The following ASAH2 variants were observed in gnomAD, a reference collection of about 807,000 sequenced individuals.
ASAH2 encodes N-acylsphingosine amidohydrolase 2.
Under a neutral mutation model 82.9 loss-of-function variants are expected in ASAH2, and 58 were observed. The ratio of observed to expected loss-of-function variants is 0.70; its 90% CI spans 0.57 to 0.87. The LOEUF is 0.87. ASAH2 is among the 40% of genes least tolerant of loss of function. ASAH2 has a pLI of 0.00. For missense variants in ASAH2, 779 were observed against 834.0 expected, an observed-to-expected ratio of 0.93 and a Z score of 0.81; for synonymous variants, 276 against 289.7, an observed-to-expected ratio of 0.95 and a Z score of 0.48.
intron 12 of ASAH2, 38 bp downstream of exon 12, chr10:50,210,785 G>A: frequency 6.8e-7 from 1 of 1,478,038 alleles, no homozygotes; most frequent in Non-Finnish European, 9.5e-7. Flanking sequence ...AGAAGCTTCA[G>A]AAGCTGAAAC....
At chr10:50,243,162 A>G (rs1322510444) in intron 4 of ASAH2, 40 bp downstream of exon 4, 3 of 1,608,638 alleles carry the variant, frequency 1.9e-6, no homozygotes, top group East Asian at 2.2e-5. Flanking sequence ...TCCTTAAACC[A>G]TATCATTTCT....
At chr10:50,212,070 C>T (rs1253832100) in intron 10 of ASAH2, among the ~76,000 whole-genome samples, 1 of 152,028 alleles carries the variant, frequency 6.6e-6, no homozygotes, top group East Asian at 1.9e-4. Context: ...GAAACTGCAG[C>T]GATTAGGCTG....
At chr10:50,223,912 A>G (rs996055349) in intron 7 of ASAH2, among the ~76,000 whole-genome samples, 12 of 152,166 alleles carry the variant, frequency 7.9e-5, no homozygotes, top group South Asian at 2.1e-4. Context: ...GCTAAAAGAG[A>G]TGCATGGAAC....
intron 12 of ASAH2, among the ~76,000 whole-genome samples, chr10:50,206,784 C>T (rs944983593): frequency 0.035 from 5,386 of 151,864 alleles, 336 homozygotes; most frequent in African/African-American, 0.12. Flanking sequence ...ATAACCCACT[C>T]TCAATCATGG....
intron 16 of ASAH2, among the ~76,000 whole-genome samples, chr10:50,199,807 C>T (rs1845093002): frequency 6.6e-6 from 1 of 151,658 alleles, no homozygotes; most frequent in East Asian, 1.9e-4. Flanking sequence ...GTCTCCACAT[C>T]CGGTAATTCT....
intron 3 of ASAH2, among the ~76,000 whole-genome samples, chr10:50,244,095 G>A (rs1035657327): frequency 6.6e-6 from 1 of 152,194 alleles, no homozygotes; most frequent in East Asian, 1.9e-4. Flanking sequence ...CTGCAAAGAA[G>A]CAGGAGCTGG....
intron 7 of ASAH2, among the ~76,000 whole-genome samples, chr10:50,218,952 A>T (rs1845677991): frequency 6.6e-6 from 1 of 152,202 alleles, no homozygotes; most frequent in African/African-American, 2.4e-5. Flanking sequence ...CCTTCAAGAT[A>T]GGCACACAGG....
At chr10:50,250,313 T>C (rs1345704630) in intron 1 of ASAH2, among the ~76,000 whole-genome samples, 1 of 152,134 alleles carries the variant, frequency 6.6e-6, no homozygotes, top group Non-Finnish European at 1.5e-5. Context: ...CTTCAGAGGG[T>C]AGGCTGAACT....
chr10:50,206,446 T>C (rs959466954), intron 12 of ASAH2, among the ~76,000 whole-genome samples: 14 of 151,626 alleles, frequency 9.2e-5, no homozygotes, highest in African/African-American at 3.4e-4. Context: ...ACTTTTTTCC[T>C]GTTTTGAAAA....
At chr10:50,228,434 C>G (rs1240288690) in intron 7 of ASAH2, among the ~76,000 whole-genome samples, 2 of 151,878 alleles carry the variant, frequency 1.3e-5, no homozygotes. Context: ...AAAAATAATT[C>G]AATTATTCTG....
chr10:50,233,613 G>C (rs896765049), intron 6 of ASAH2, among the ~76,000 whole-genome samples: 18 of 152,062 alleles, frequency 1.2e-4, no homozygotes, highest in African/African-American at 4.3e-4. Flanking sequence ...TAAAAGAGCA[G>C]GGAATTTGCA....
intron 2 of ASAH2, among the ~76,000 whole-genome samples, chr10:50,247,218 T>C (rs1424174900): frequency 1.3e-5 from 2 of 151,934 alleles, no homozygotes; most frequent in Non-Finnish European, 2.9e-5. Context: ...AGTGGCGTGA[T>C]CTCAGCTCAC....
At chr10:50,241,415 A>G (rs1443751566) in intron 4 of ASAH2, among the ~76,000 whole-genome samples, 1 of 152,044 alleles carries the variant, frequency 6.6e-6, no homozygotes, top group Non-Finnish European at 1.5e-5. Context: ...TCTATCCACC[A>G]CCTAGAAAAT....
At chr10:50,198,981 C>G in intron 17 of ASAH2, 70 bp downstream of exon 17, 1 of 1,506,176 alleles carries the variant, frequency 6.6e-7, no homozygotes, top group Non-Finnish European at 9.2e-7. Flanking sequence ...GACACAGACA[C>G]ATACAGACAT....
chr10:50,215,612 A>G (rs892413317), intron 8 of ASAH2, among the ~76,000 whole-genome samples: 79 of 152,224 alleles, frequency 5.2e-4, no homozygotes, highest in South Asian at 1.0e-3. Flanking sequence ...ATGGTTGTAG[A>G]TCTGTGGTGT....
chr10:50,195,777 T>C (rs1844961075), intron 18 of ASAH2, among the ~76,000 whole-genome samples: 1 of 151,748 alleles, frequency 6.6e-6, no homozygotes, highest in South Asian at 2.1e-4. Flanking sequence ...TTAGATTCAG[T>C]AAAATAAGCC....
chr10:50,221,461 A>C (rs1208496968), intron 7 of ASAH2, among the ~76,000 whole-genome samples: 1 of 152,182 alleles, frequency 6.6e-6, no homozygotes, highest in Non-Finnish European at 1.5e-5. Flanking sequence ...TTATTAGACA[A>C]AGGACTTTAT....
At chr10:50,212,261 C>T (rs1438883783) in intron 10 of ASAH2, among the ~76,000 whole-genome samples, 2 of 151,612 alleles carry the variant, frequency 1.3e-5, no homozygotes, top group Non-Finnish European at 2.9e-5. Flanking sequence ...TTAACCATAT[C>T]AAGGACATCT....
At chr10:50,228,411 A>T (rs1424400152) in intron 7 of ASAH2, among the ~76,000 whole-genome samples, 2 of 152,186 alleles carry the variant, frequency 1.3e-5, no homozygotes, top group Admixed American at 6.5e-5. Flanking sequence ...ACAGTCAGAC[A>T]TTACAATTCA....
Sources: gnomAD v4.1 joint callset for allele counts (sites outside exome capture counted in the v4.1 genomes callset) on GRCh38, gnomAD v4.1.1 for gene constraint, MANE v1.5 for transcripts, NCBI Gene and HGNC (gene_info 2026-07-23, HGNC 2026-07-21) for gene names.